ELOA2: variants seen among roughly 807,000 people sequenced by gnomAD.
ELOA2 encodes the protein elongin A2.
For missense variants in ELOA2, 1,271 were observed against 979.7 expected (o/e 1.30, Z -3.97); for synonymous variants, 497 against 398.8 (o/e 1.25, Z -2.94).
chr18:47,032,841 C>G lies in ELOA2; in HGVS notation c.*162G>C. The G allele has an allele frequency of 1.4e-6, 2 of 1,419,966 alleles. No individual in the cohort carries two copies. Among genetic ancestry groups the G allele is most frequent in the Admixed American group, 2.2e-5 (1 of 45,008 alleles). 88.0% of individuals were successfully genotyped at this position (1,419,966 alleles called of 1,614,324 possible). ...GGAGGTAGTGGCTGGGTGTGGGAGG[C>G]AAAATCACAGGGCCAGCACATGACA... On this transcript the variant is annotated 3_prime_UTR_variant, in exon 1 of 1. Coordinates refer to ENST00000332567, the MANE Select transcript of ELOA2 (RefSeq NM_016427.3).
chr18:47,033,917 C>A lies in ELOA2; in HGVS notation c.1348G>T (p.Gly450Trp), dbSNP rs747669092. ...ACATGGCTGGGCACCGTTTTCGGCC[C>A]GGCGGAATCAGCGCCGGCCGCCTGC... ...RLQAAGADSA[G>W]PKTVPSHVFS... Residue 450 changes from glycine (G) to tryptophan (W), a missense_variant, in exon 1 of 1, where the codon GGG becomes TGG. Gly to Trp is a radical substitution (Grantham distance 184, BLOSUM62 -2). Coordinates refer to ENST00000332567, the MANE Select transcript of ELOA2 (RefSeq NM_016427.3). The A allele has an allele frequency of 6.2e-7, 1 of 1,613,068 alleles. No individual in the cohort carries two copies. The highest frequency in any genetic ancestry group is 8.5e-7 in the Non-Finnish European group (1 of 1,180,022).
In ELOA2 at chr18:47,034,522, A is replaced by C. The variant is rs1569054638; in HGVS notation, c.743T>G (p.Leu248Trp). 6.2e-7 allele frequency: 1 copy of C among 1,614,160 alleles called. No individual in the cohort carries two copies. Among genetic ancestry groups the C allele is most frequent in the East Asian group, 2.2e-5 (1 of 44,866 alleles). The change falls in exon 1 of 1, where the codon TTG becomes TGG. Residue 248 changes from leucine (L) to tryptophan (W), a missense_variant. Coordinates refer to ENST00000332567, the MANE Select transcript of ELOA2 (RefSeq NM_016427.3). ...GGCCCCGCATGATTTCTCCCTGATC[A>C]AAGTAGGGGAGTGCCAATCTCCCTG... ...CAQGDWHSPT[L>W]IREKSCGACL...
Position 47,035,441 on chromosome 18 carries a change from T to A in ELOA2, c.-177A>T, listed in dbSNP as rs1569058227. On this transcript the variant is annotated 5_prime_UTR_variant, in exon 1 of 1. Transcript: ENST00000332567. ...CCTCGGAGCAGCAGGCCACTTGGTC[T>A]GGAACGGCCGTCCTTGCAGACAGCT... is the stretch of plus-strand genomic sequence containing the variant. 1 of 1,368,160 alleles carries A rather than the reference T, an allele frequency of 7.3e-7. No individual in the cohort carries two copies. 84.8% of individuals were successfully genotyped at this position (1,368,160 alleles called of 1,614,324 possible). A position where few individuals can be genotyped will look rare whatever the true frequency, so the allele number is the denominator to read the frequency against.
Position 47,034,096 on chromosome 18 carries a change from T to C in ELOA2, c.1169A>G (p.Asp390Gly), listed in dbSNP as rs2146954619. The change falls in exon 1 of 1, where the codon GAT (aspartate) becomes GGT (glycine). Residue 390 changes from aspartate (D) to glycine (G), a missense_variant. Coordinates refer to ENST00000332567, the MANE Select transcript of ELOA2 (RefSeq NM_016427.3). ...TLSCEKYLTY[D>G]QLRKQKKKTG... ...CTTTTTCTTTTGCTTCCGCAACTGA[T>C]CGTAGGTGAGGTATTTTTCACATGA... 6.2e-7 allele frequency: 1 copy of C among 1,614,226 alleles called. No homozygotes were observed. The highest frequency in any genetic ancestry group is 1.1e-5 in the South Asian group (1 of 91,080).
At position 47,034,965 on chromosome 18, in the gene ELOA2, C is replaced by T. The variant is rs543151188; in HGVS notation, c.300G>A (p.Gly100=). Residue 100 remains glycine, a synonymous_variant, in exon 1 of 1, where the codon GGG becomes GGA. Transcript: ENST00000332567. ...CCTTTTCCTGGTCCTGAAGAGCCTCCCCGAAGCGCTGTCGGGAAGCGCTCT... is the reference window on the plus strand; with the variant it reads ...CCTTTTCCTGGTCCTGAAGAGCCTCTCCGAAGCGCTGTCGGGAAGCGCTCT... ...PEESASRQRF[G]EALQDQEKAW... The T allele has an allele frequency of 1.7e-5, 28 of 1,611,718 alleles. No individual in the cohort carries two copies. Among genetic ancestry groups the T allele is most frequent in the East Asian group, 6.7e-5 (3 of 44,862 alleles).
At position 47,034,479 on chromosome 18, in the gene ELOA2, G is replaced by A; in HGVS notation, c.786C>T (p.Thr262=). The change falls in exon 1 of 1, where the codon ACC becomes ACT. Residue 262 remains threonine, a synonymous_variant. Coordinates refer to ENST00000332567, the MANE Select transcript of ELOA2 (RefSeq NM_016427.3). The part of the protein sequence containing the change: ...KSCGACLREE[T]PRMPSWASAR... ...CACTTGCCCAGGAGGGCATCCTTGG[G>A]GTTTCCTCTCTTAAGCAGGCCCCGC... The A allele has an allele frequency of 1.2e-6, 2 of 1,614,158 alleles. No homozygotes were observed. Among genetic ancestry groups the A allele is most frequent in the Admixed American group, 1.7e-5 (1 of 60,026 alleles).
In ELOA2 at chr18:47,032,857, G is replaced by A; in HGVS notation, c.*146C>T. ...TGTGGGAGGCAAAATCACAGGGCCA[G>A]CACATGACACCTGCAGAATTCAAAG... is the stretch of plus-strand genomic sequence containing the variant. On this transcript the variant is annotated 3_prime_UTR_variant, in exon 1 of 1. Transcript: ENST00000332567. 2 of 1,500,520 alleles carry A rather than the reference G, an allele frequency of 1.3e-6. No homozygotes were observed. The highest frequency in any genetic ancestry group is 1.8e-6 in the Non-Finnish European group (2 of 1,108,268). The allele number at this position is 1,500,520 out of a possible 1,614,324, so 93.0% of individuals were successfully genotyped here. A position where few individuals can be genotyped will look rare whatever the true frequency, so the allele number is the denominator to read the frequency against.
At position 47,033,537 on chromosome 18, in the gene ELOA2, T is replaced by C. The variant is rs1227531995; in HGVS notation, c.1728A>G (p.Ala576=). 5.6e-6 allele frequency: 9 copies of C among 1,613,884 alleles called. No individual in the cohort carries two copies. Among genetic ancestry groups the C allele is most frequent in the Non-Finnish European group, 7.6e-6 (9 of 1,180,020 alleles). Reference sequence around the variant, plus strand: ...GTAATTCGTCTGTCTCTCTAACGAGTGCGTGATTGTCTTTCTTTCTGCGAT... The same window carrying C: ...GTAATTCGTCTGTCTCTCTAACGAGCGCGTGATTGTCTTTCTTTCTGCGAT... ...QLYRRKKDNH[A]LVRETDELRR... is the part of the protein sequence containing the mutation. Residue 576 remains alanine (A), a synonymous_variant, in exon 1 of 1, where the codon GCA becomes GCG. Coordinates refer to ENST00000332567, the MANE Select transcript of ELOA2 (RefSeq NM_016427.3).
chr18:47,033,728 G>T lies in ELOA2; in HGVS notation c.1537C>A (p.Pro513Thr), dbSNP rs745739051. The T allele has an allele frequency of 6.2e-7, 1 of 1,614,182 alleles. No individual in the cohort carries two copies. Among genetic ancestry groups the T allele is most frequent in the Non-Finnish European group, 8.5e-7 (1 of 1,180,042 alleles). Residue 513 changes from proline to threonine, a missense_variant, in exon 1 of 1, where the codon CCG becomes ACG. By Grantham distance (38) the Pro-to-Thr change is conservative. Transcript: ENST00000332567. ...GCAGGCCTGGAGCCCGAGTACACCG[G>T]CATCTTAGCATTCACTCTGCGTCCA... is the stretch of plus-strand genomic sequence containing the variant. ...FPGRRVNAKM[P>T]VYSGSRPACQ...
rs778148126 is a variant in ELOA2, at chr18:47,033,498, A to G, written c.1767T>C (p.Cys589=). Residue 589 remains cysteine (C), a synonymous_variant, in exon 1 of 1, where the codon TGT becomes TGC. Transcript: ENST00000332567. ...GCTTTTCTTCCTTGAAGTCCTGGAA[A>G]CAATGATTCCTCCGTAATTCGTCTG... ...RETDELRRNH[C]FQDFKEEKPQ... 1 of 1,614,138 alleles carries G rather than the reference A, an allele frequency of 6.2e-7. No individual in the cohort carries two copies. Among genetic ancestry groups the G allele is most frequent in the Admixed American group, 1.7e-5 (1 of 60,030 alleles).
chr18:47,035,099 G>A lies in ELOA2; in HGVS notation c.166C>T (p.Leu56=). The A allele has an allele frequency of 1.2e-6, 2 of 1,611,152 alleles. No homozygotes were observed. Among genetic ancestry groups the A allele is most frequent in the Non-Finnish European group, 1.7e-6 (2 of 1,179,430 alleles). The change falls in exon 1 of 1, where the codon CTG becomes TTG. Residue 56 remains leucine, a synonymous_variant. Transcript: ENST00000332567. Reference sequence around the variant, plus strand: ...TCGCCCACGTGCTGGTGCTTCCGCAGGCGCTTCACCGTCTTTCTGATTCCA... The same window carrying A: ...TCGCCCACGTGCTGGTGCTTCCGCAAGCGCTTCACCGTCTTTCTGATTCCA... ...ETGIRKTVKR[L]RKHQHVGDFA... is the part of the protein sequence containing the mutation.
rs2060531295 is a variant in ELOA2 at position 47,032,709 on chromosome 18, T to C, written c.*294A>G. ...AGGAAATCTCACATCTTTTTCCTTA[T>C]TTATGATTACAACTAGGGTGTTTTT... On this transcript the variant is annotated 3_prime_UTR_variant, in exon 1 of 1. Coordinates refer to ENST00000332567, the MANE Select transcript of ELOA2 (RefSeq NM_016427.3). 2.1e-6 allele frequency: 1 copy of C among 485,368 alleles called. No homozygotes were observed. 30.1% of individuals were successfully genotyped at this position (485,368 alleles called of 1,614,324 possible).
At position 47,034,309 on chromosome 18, in the gene ELOA2, C is replaced by G. The variant is rs2060646399; in HGVS notation, c.956G>C (p.Ser319Thr). ...QHSHSNKKRP[S>T]LDGRDPGNGT... is the part of the protein sequence containing the mutation. ...ATTTCCTGGGTCCCGGCCGTCTAGA[C>G]TGGGCCTCTTCTTGTTCGAGTGACT... Residue 319 changes from serine to threonine, a missense_variant, in exon 1 of 1, where the codon AGT becomes ACT. Ser to Thr is a moderately conservative substitution (Grantham distance 58). Coordinates refer to ENST00000332567, the MANE Select transcript of ELOA2 (RefSeq NM_016427.3). 1 of 1,613,148 alleles carries G rather than the reference C, an allele frequency of 6.2e-7. No individual in the cohort carries two copies. Among genetic ancestry groups the G allele is most frequent in the Admixed American group, 1.7e-5 (1 of 59,996 alleles).
Position 47,033,858 on chromosome 18 carries a change from C to G in ELOA2, c.1407G>C (p.Trp469Cys), listed in dbSNP as rs369292254. Residue 469 changes from tryptophan (W) to cysteine (C), a missense_variant, in exon 1 of 1, where the codon TGG becomes TGC. Physicochemically the swap from Trp to Cys is radical, Grantham distance 215. Transcript: ENST00000332567. ...FSELWDLSEA[W>C]MQANYDPLSD... ...AAAGCGGATCGTAGTTGGCCTGCAT[C>G]CAGGCCTCTGAGAGGTCCCAGAGCT... The G allele has an allele frequency of 1.2e-6, 2 of 1,614,042 alleles. No homozygotes were observed. Among genetic ancestry groups the G allele is most frequent in the South Asian group, 1.1e-5 (1 of 91,062 alleles).
rs145144237 is a variant in ELOA2, at chr18:47,033,074, C to A, written c.2191G>T (p.Ala731Ser). The A allele has an allele frequency of 1.2e-6, 2 of 1,614,014 alleles. No individual in the cohort carries two copies. Among genetic ancestry groups the A allele is most frequent in the African/African-American group, 1.3e-5 (1 of 74,946 alleles). ...ATCAGCGGGGCCACTTTCTTGGCAG[C>A]CTGTTTCCGGGTTTTGGCCGCGGGC... is the stretch of plus-strand genomic sequence containing the variant. The part of the protein sequence containing the change: ...AAPAAKTRKQ[A>S]AKKVAPLMAK... Residue 731 changes from alanine to serine, a missense_variant, in exon 1 of 1, where the codon GCT becomes TCT. Physicochemically the swap from Ala to Ser is moderately conservative, Grantham distance 99 (BLOSUM62 1). Transcript: ENST00000332567.
Position 47,032,806 on chromosome 18 carries a change from C to T in ELOA2, c.*197G>A. On this transcript the variant is annotated 3_prime_UTR_variant, in exon 1 of 1. Transcript: ENST00000332567. Reference sequence around the variant, plus strand: ...CATATCTTCTGAATTCTGAGGTGTTCTCCAAGCTGGGAGGTAGTGGCTGGG... The same window carrying T: ...CATATCTTCTGAATTCTGAGGTGTTTTCCAAGCTGGGAGGTAGTGGCTGGG... 1 of 961,328 alleles carries T rather than the reference C, an allele frequency of 1.0e-6. No homozygotes were observed. Among genetic ancestry groups the T allele is most frequent in the Non-Finnish European group, 1.5e-6 (1 of 653,310 alleles). The allele number at this position is 961,328 out of a possible 1,614,324, so 59.5% of individuals were successfully genotyped here. A position where few individuals can be genotyped will look rare whatever the true frequency, so the allele number is the denominator to read the frequency against.
chr18:47,032,904 A>G lies in ELOA2; in HGVS notation c.*99T>C. On this transcript the variant is annotated 3_prime_UTR_variant, in exon 1 of 1. Transcript: ENST00000332567. ...AAAGGCTCAACTTTGCACCAAGTTA[A>G]AGGTTCTGGTGTCCATTGGAAGTTT... 6.2e-7 allele frequency: 1 copy of G among 1,600,586 alleles called. No homozygotes were observed. The highest frequency in any genetic ancestry group is 8.5e-7 in the Non-Finnish European group (1 of 1,172,812).
At position 47,033,940 on chromosome 18, in the gene ELOA2, T is replaced by A. The variant is rs372224796; in HGVS notation, c.1325A>T (p.Gln442Leu). Reference sequence around the variant, plus strand: ...CCCGGCGGAATCAGCGCCGGCCGCCTGCAGCCTCTCTGACTGGCTTTCCTG... The same window carrying A: ...CCCGGCGGAATCAGCGCCGGCCGCCAGCAGCCTCTCTGACTGGCTTTCCTG... ...PVQESQSERL[Q>L]AAGADSAGPK... The change falls in exon 1 of 1, where the codon CAG (glutamine) becomes CTG (leucine). Residue 442 changes from glutamine (Q) to leucine (L), a missense_variant. Gln to Leu is a moderately radical substitution (Grantham distance 113, BLOSUM62 -2). Transcript: ENST00000332567. 1.9e-5 allele frequency: 30 copies of A among 1,612,876 alleles called. No individual in the cohort carries two copies. In the African/African-American group the frequency reaches 3.7e-4, roughly 20 times the overall value.
rs1261826670 is a variant in ELOA2, at chr18:47,032,951, T to C, written c.*52A>G. The C allele has an allele frequency of 2.5e-6, 4 of 1,612,908 alleles. No homozygotes were observed. The highest frequency in any genetic ancestry group is 1.1e-5 in the South Asian group (1 of 91,046). On this transcript the variant is annotated 3_prime_UTR_variant, in exon 1 of 1. Coordinates refer to ENST00000332567, the MANE Select transcript of ELOA2 (RefSeq NM_016427.3). ...GTTTCGTTCCCCAACCCGCATTGAC[T>C]TTGCCAATGCAAAAATCCCCCCAGA...
Sources: gnomAD v4.1 joint callset for allele counts on GRCh38, gnomAD v4.1.1 for gene constraint, MANE v1.5 for transcripts, NCBI Gene and HGNC (gene_info 2026-07-23, HGNC 2026-07-21) for gene names.